The following C8orf76 variants were observed in gnomAD, a reference collection of about 807,000 sequenced individuals.
C8orf76 encodes the protein chromosome 8 open reading frame 76.
A neutral mutation model predicts 38.1 loss-of-function variants in C8orf76; 46 were observed. That is an observed-to-expected ratio of 1.21 (90% CI 0.95 to 1.54). C8orf76 has a LOEUF of 1.54. C8orf76 is among the 40% of genes most tolerant of loss of function. The pLI, the probability that C8orf76 is intolerant of heterozygous loss-of-function variation, is 0.00. For synonymous variants in C8orf76, 166 were observed against 167.5 expected (o/e 0.99, Z 0.07); for missense variants, 461 against 441.6 (o/e 1.04, Z -0.39).
At chr8:123,239,359 C>T in intron 1 of C8orf76, 1 of 461,042 alleles carries the variant, frequency 2.2e-6, no homozygotes, top group Non-Finnish European at 4.0e-6. Flanking sequence ...GCCACCGCAC[C>T]CAGCCCACAT....
Position 123,226,068 on chromosome 8 carries a change from T to C in C8orf76, c.948+432A>G, listed in dbSNP as rs1332009757. On this transcript the variant is annotated intron_variant, in intron 5 of 5. Transcript: ENST00000276704. ...TGGCAAACACAAGCTCCAGACCAGC[T>C]CTCCCACTGAAAATCTGACCGCAGG... The C allele has an allele frequency of 5.1e-6, 4 of 781,652 alleles. No individual in the cohort carries two copies. The East Asian group carries it at 5.0e-4, about 97-fold the overall frequency. The allele number at this position is 781,652 out of a possible 1,614,324, so 48.4% of individuals were successfully genotyped here. A position where few individuals can be genotyped will look rare whatever the true frequency, so the allele number is the denominator to read the frequency against.
intron 3 of C8orf76, chr8:123,236,968 T>TG: frequency 6.4e-7 from 1 of 1,552,304 alleles, no homozygotes; most frequent in Non-Finnish European, 8.9e-7. Context: ...GTCTGATACT[T>TG]GCGGGCAAAC....
chr8:123,234,064 A>AT (rs1825374262), intron 3 of C8orf76, among the ~76,000 whole-genome samples: 1 of 151,740 alleles, frequency 6.6e-6, no homozygotes, highest in Non-Finnish European at 1.5e-5. Context: ...TGAGTGAGTG[A>AT]TTTTTCCAGA....
At chr8:123,240,032 A>G (rs1825628931) in intron 1 of C8orf76, 1 of 152,246 alleles carries the variant, frequency 6.6e-6, no homozygotes, top group African/African-American at 2.4e-5. Context: ...TTTAGAATTT[A>G]TATTAAATTC....
chr8:123,226,485 G>T lies in C8orf76; in HGVS notation c.948+15C>A. The stretch of plus-strand genomic sequence containing the variant: ...ATGATGCTTCGTTTCACATAAACCC[G>T]AGGGATACACTCACCTCAGCTATCA... On this transcript the variant is annotated intron_variant, in intron 5 of 5. Coordinates refer to ENST00000276704, the MANE Select transcript of C8orf76 (RefSeq NM_032847.3). The T allele has an allele frequency of 6.2e-7, 1 of 1,607,860 alleles. No individual in the cohort carries two copies. The highest frequency in any genetic ancestry group is 8.5e-7 in the Non-Finnish European group (1 of 1,178,638).
rs1586813013 is a variant in C8orf76, at chr8:123,238,849, T to C, written c.213+200A>G. The C allele has an allele frequency of 1.5e-5, 8 of 521,234 alleles. No individual in the cohort carries two copies. The East Asian group carries it at 2.7e-4, about 17-fold the overall frequency. 32.3% of individuals were successfully genotyped at this position (521,234 alleles called of 1,614,324 possible). On this transcript the variant is annotated intron_variant, in intron 2 of 5. Transcript: ENST00000276704. ...CAAGGACCCCAAAGAGATCCTTTTG[T>C]TGGAGTTACAGAAAACAAACAAATC...
chr8:123,230,850 A>G (rs1208033770), intron 4 of C8orf76, among the ~76,000 whole-genome samples: 1 of 152,084 alleles, frequency 6.6e-6, no homozygotes, highest in Admixed American at 6.5e-5. Flanking sequence ...GGGTTTCACC[A>G]TGTTGGCCAG....
Position 123,231,625 on chromosome 8 carries a change from G to A in C8orf76, c.490C>T (p.Pro164Ser). The change falls in exon 4 of 6, where the codon CCT becomes TCT. Residue 164 changes from proline (P) to serine (S), a missense_variant. Coordinates refer to ENST00000276704, the MANE Select transcript of C8orf76 (RefSeq NM_032847.3). ...QKLISLHPFN[P>S]WNWGKLAEAY... ...TCTGCCAATTTGCCCCAGTTCCAAG[G>A]ATTAAAAGGATGCAAAGAAATCAGT... 1 of 1,614,180 alleles carries A rather than the reference G, an allele frequency of 6.2e-7. No individual in the cohort carries two copies. Among genetic ancestry groups the A allele is most frequent in the Non-Finnish European group, 8.5e-7 (1 of 1,180,038 alleles).
At position 123,239,161 on chromosome 8, in the gene C8orf76, T is replaced by C. The variant is rs745523890; in HGVS notation, c.118-17A>G. The C allele has an allele frequency of 1.2e-5, 19 of 1,612,876 alleles. 1 individual carries two copies. The highest frequency in any genetic ancestry group is 1.2e-4 in the Admixed American group (7 of 60,002). On this transcript the variant is annotated splice_polypyrimidine_tract_variant and intron_variant, in intron 1 of 5. Transcript: ENST00000276704. The stretch of plus-strand genomic sequence containing the variant: ...ATAAAACCACTTGAAATCATGAAAA[T>C]AGCCTATTACAGAGTGAGCTATGCT...
intron 2 of C8orf76, 180 bp downstream of exon 2, chr8:123,238,869 C>G (rs1263255370): frequency 7.0e-6 from 4 of 570,680 alleles, no homozygotes; most frequent in Non-Finnish European, 1.2e-5. Context: ...AGAAAACAAA[C>G]AAATCATACA....
chr8:123,229,663 A>G (rs1049600863), intron 4 of C8orf76, among the ~76,000 whole-genome samples: 7 of 152,234 alleles, frequency 4.6e-5, no homozygotes, highest in African/African-American at 1.4e-4. Context: ...TTGTCATTCA[A>G]TGTGCCTCTG....
intron 3 of C8orf76, among the ~76,000 whole-genome samples, chr8:123,233,307 C>T (rs533310324): frequency 6.6e-6 from 1 of 152,218 alleles, no homozygotes; most frequent in South Asian, 2.1e-4. Context: ...GCATGAACCA[C>T]TGTGCCCAGC....
Position 123,237,101 on chromosome 8 carries a change from A to G in C8orf76, c.357+697T>C, listed in dbSNP as rs560023761. 64 of 1,023,952 alleles carry G rather than the reference A, an allele frequency of 6.3e-5. No homozygotes were observed. The Admixed American group carries it at 7.8e-4, about 13-fold the overall frequency. 63.4% of individuals were successfully genotyped at this position (1,023,952 alleles called of 1,614,324 possible). On this transcript the variant is annotated intron_variant, in intron 3 of 5. Coordinates refer to ENST00000276704, the MANE Select transcript of C8orf76 (RefSeq NM_032847.3). ...CCTCCGCCAGCTCGCCCAGAAATAC[A>G]ACTACAACAAGATGATCTGCCGCAA...
intron 5 of C8orf76, among the ~76,000 whole-genome samples, chr8:123,225,477 GTGA>G (rs890712623): frequency 6.6e-6 from 1 of 152,180 alleles, no homozygotes; most frequent in Admixed American, 6.5e-5. Context: ...TAGGGGTGTG[GTGA>G]TGATTTCTGT....
chr8:123,237,152 G>A lies in C8orf76; in HGVS notation c.357+646C>T, dbSNP rs115189900. ...GTGCTGTGCCCGCCTGCACCACCCC[G>A]TGCTGTCAACTCCCGCAAGAAGCGC... On this transcript the variant is annotated intron_variant, in intron 3 of 5. Transcript: ENST00000276704. 1,400 of 790,476 alleles carry A rather than the reference G, an allele frequency of 1.8e-3. 12 individuals are homozygous for A. In the African/African-American group the frequency reaches 0.021, roughly 12 times the overall value. 49.0% of individuals were successfully genotyped at this position (790,476 alleles called of 1,614,324 possible). A position where few individuals can be genotyped will look rare whatever the true frequency, so the allele number is the denominator to read the frequency against.
chr8:123,235,826 AGAG>A (rs57564528), intron 3 of C8orf76, among the ~76,000 whole-genome samples: 43 of 152,234 alleles, frequency 2.8e-4, no homozygotes, highest in Admixed American at 4.6e-4. Flanking sequence ...CAACAATCAA[AGAG>A]GAGGAGGAGG....
At chr8:123,233,141 C>T (rs1357254442) in intron 3 of C8orf76, among the ~76,000 whole-genome samples, 6 of 152,006 alleles carry the variant, frequency 3.9e-5, no homozygotes, top group Non-Finnish European at 5.9e-5. Context: ...CTGCCTCAGC[C>T]TCCGGAGTAG....
At chr8:123,221,997 G>C (rs1172571761) in intron 5 of C8orf76, among the ~76,000 whole-genome samples, 1 of 151,430 alleles carries the variant, frequency 6.6e-6, no homozygotes, top group African/African-American at 2.4e-5. Context: ...TCTTTTTTTT[G>C]GGGGGCGGGG....
intron 3 of C8orf76, among the ~76,000 whole-genome samples, chr8:123,235,928 T>A (rs1452204849): frequency 1.3e-5 from 2 of 152,208 alleles, no homozygotes; most frequent in African/African-American, 4.8e-5. Context: ...AGAGCACTGT[T>A]AATTTGCGGA....
Sources: allele counts gnomAD v4.1 joint callset (sites outside exome capture counted in the v4.1 genomes callset), GRCh38; gene constraint gnomAD v4.1.1; transcripts MANE v1.5; gene names NCBI Gene and HGNC (gene_info 2026-07-23, HGNC 2026-07-21).